Variants in DYNC2I2 observed in about 807,000 individuals in gnomAD.
The protein encoded by DYNC2I2 is cytoplasmic dynein 2 intermediate chain 2.
A neutral mutation model predicts 52.0 loss-of-function variants in DYNC2I2; 39 were observed. That is an observed-to-expected ratio of 0.75 (90% CI 0.58 to 0.98). DYNC2I2 has a LOEUF of 0.98. DYNC2I2 is among the 50% of genes least tolerant of loss of function. The pLI is 0.00. For synonymous variants in DYNC2I2, 359 were observed against 321.1 expected (o/e 1.12, Z -1.26); for missense variants, 743 against 728.4 (o/e 1.02, Z -0.23).
chr9:128,666,254 C>T, the DYNC2I2 span, among the ~76,000 whole-genome samples: 8 of 151,142 alleles, frequency 5.3e-5, no homozygotes, highest in African/African-American at 9.7e-5. Flanking sequence ...TGGTGGTGGG[C>T]GCCTGTAATT....
At chr9:128,635,283 AG>A in intron 5 of DYNC2I2, 24 bp from the exon 6 acceptor site, 1 of 1,609,818 alleles carries the variant, frequency 6.2e-7, no homozygotes, top group Non-Finnish European at 8.5e-7. Flanking sequence ...ATGCAGGGCC[AG>A]GATGGAGACA....
At chr9:128,658,639 T>A (rs146360181), upstream of DYNC2I2, among the ~76,000 whole-genome samples, 540 of 151,872 alleles carry the variant, frequency 3.6e-3, 3 homozygotes, top group African/African-American at 0.012. Context: ...TTTTTTGTAT[T>A]TTTAGTAGAG....
chr9:128,635,812 G>A (rs775753698), intron 4 of DYNC2I2, 45 bp from the exon 5 acceptor site: 24 of 1,549,418 alleles, frequency 1.5e-5, no homozygotes, highest in Non-Finnish European at 2.0e-5. Flanking sequence ...CCCACCCCCA[G>A]CCTGACTTCC....
At chr9:128,636,461 C>A in intron 3 of DYNC2I2, 23 bp from the exon 4 acceptor site, 2 of 1,583,130 alleles carry the variant, frequency 1.3e-6, no homozygotes, top group Non-Finnish European at 1.7e-6. Flanking sequence ...AGGCTTGAGC[C>A]GGCTGTGCCC....
At chr9:128,635,305 G>A in intron 5 of DYNC2I2, 46 bp from the exon 6 acceptor site, 1 of 1,589,964 alleles carries the variant, frequency 6.3e-7, no homozygotes, top group South Asian at 1.1e-5. Context: ...AGGGACACCT[G>A]CCCAGGTGTC....
At chr9:128,634,003 G>T (rs373543501) in intron 8 of DYNC2I2, 21 bp from the exon 9 acceptor site, 6 of 1,611,800 alleles carry the variant, frequency 3.7e-6, no homozygotes, top group African/African-American at 1.3e-5. Context: ...AGACAGATAC[G>T]TGGAGTAAGA....
At chr9:128,635,391 A>T in intron 5 of DYNC2I2, 132 bp from the exon 6 acceptor site, 1 of 1,186,352 alleles carries the variant, frequency 8.4e-7, no homozygotes, top group Non-Finnish European at 1.2e-6. Flanking sequence ...AGGCTCACCC[A>T]CCAGGGGGCA....
intron 1 of DYNC2I2, among the ~76,000 whole-genome samples, chr9:128,643,861 C>A (rs977218978): frequency 6.6e-6 from 1 of 152,168 alleles, no homozygotes; most frequent in Non-Finnish European, 1.5e-5. Flanking sequence ...CCTCAGCCAC[C>A]CACGGGGAGG....
chr9:128,677,022 G>A, the DYNC2I2 span, among the ~76,000 whole-genome samples: 1 of 151,452 alleles, frequency 6.6e-6, no homozygotes, highest in Non-Finnish European at 1.5e-5. Flanking sequence ...CTAATTTTTT[G>A]TATTTTTAGT....
chr9:128,669,093 T>C, the DYNC2I2 span, among the ~76,000 whole-genome samples: 1 of 151,450 alleles, frequency 6.6e-6, no homozygotes, highest in African/African-American at 2.4e-5. Flanking sequence ...GGGCCGGGTG[T>C]GGTGGCTCAC....
intron 1 of DYNC2I2, among the ~76,000 whole-genome samples, chr9:128,652,682 G>A (rs1260993211): frequency 6.7e-6 from 1 of 149,858 alleles, no homozygotes; most frequent in East Asian, 1.9e-4. Context: ...CACTTTGGGA[G>A]GCCCAGGCAA....
intron 1 of DYNC2I2, among the ~76,000 whole-genome samples, chr9:128,642,385 G>A (rs528511545): frequency 2.7e-5 from 4 of 150,800 alleles, no homozygotes; most frequent in Admixed American, 6.6e-5. Flanking sequence ...GAACCCGGGA[G>A]GCGGAGGTTG....
upstream of DYNC2I2, among the ~76,000 whole-genome samples, chr9:128,660,589 C>T (rs904756699): frequency 1.3e-5 from 2 of 150,900 alleles, no homozygotes; most frequent in Admixed American, 1.3e-4. Flanking sequence ...TAGAGACAGG[C>T]TTTCACCATG....
At chr9:128,669,701 T>C in the DYNC2I2 span, among the ~76,000 whole-genome samples, 5 of 152,098 alleles carry the variant, frequency 3.3e-5, no homozygotes, top group Non-Finnish European at 7.4e-5. Context: ...TTGTTTGAGA[T>C]GGAGTCTCGC....
At chr9:128,645,084 C>A (rs898387753) in intron 1 of DYNC2I2, among the ~76,000 whole-genome samples, 1 of 152,080 alleles carries the variant, frequency 6.6e-6, no homozygotes, top group Non-Finnish European at 1.5e-5. Flanking sequence ...GGCGCAGTGG[C>A]TCATGCCTGT....
In DYNC2I2 at chr9:128,640,824, G is replaced by C. The variant is rs752415915; in HGVS notation, c.302C>G (p.Ser101Cys). 1 of 1,614,106 alleles carries C rather than the reference G, an allele frequency of 6.2e-7. No individual in the cohort carries two copies. Among genetic ancestry groups the C allele is most frequent in the Non-Finnish European group, 8.5e-7 (1 of 1,180,020 alleles). Reference protein sequence around the residue: ...APVPVSVQPPSQYDIPRLAAF... With the variant: ...APVPVSVQPPCQYDIPRLAAF... ...TGCGAGCCTGGGTATGTCATACTGG[G>C]ACGGGGGCTGCACGCTGACAGGCAC... The change falls in exon 2 of 9, where the codon TCC becomes TGC. Residue 101 changes from serine to cysteine, a missense_variant. Physicochemically the swap from Ser to Cys is moderately radical, Grantham distance 112. Transcript: ENST00000372715.
At chr9:128,646,820 A>T (rs1348450816) in intron 1 of DYNC2I2, among the ~76,000 whole-genome samples, 1 of 152,126 alleles carries the variant, frequency 6.6e-6, no homozygotes. Context: ...CAGTCTCTAC[A>T]AAAGATTTAA....
chr9:128,647,862 C>T (rs1434123672), intron 1 of DYNC2I2, among the ~76,000 whole-genome samples: 1 of 152,032 alleles, frequency 6.6e-6, no homozygotes, highest in African/African-American at 2.4e-5. Context: ...CAGGGTCCAC[C>T]CTCTTGAGAG....
chr9:128,636,082 G>A, intron 4 of DYNC2I2, 199 bp downstream of exon 4: 1 of 893,970 alleles, frequency 1.1e-6, no homozygotes, highest in Non-Finnish European at 1.8e-6. Flanking sequence ...CCCCGACCCT[G>A]GCCCCCTTCC....
Sources: allele counts gnomAD v4.1 joint callset (sites outside exome capture counted in the v4.1 genomes callset), GRCh38; gene constraint gnomAD v4.1.1; transcripts MANE v1.5; gene names NCBI Gene and HGNC (gene_info 2026-07-23, HGNC 2026-07-21).